PCDHGA5: variants seen among roughly 807,000 people sequenced by gnomAD.
The protein encoded by PCDHGA5 is protocadherin gamma subfamily A, 5, also known as protocadherin gamma-A5.
A neutral mutation model predicts 56.7 loss-of-function variants in PCDHGA5; 36 were observed. The ratio of observed to expected loss-of-function variants is 0.64; its 90% CI spans 0.49 to 0.84. The LOEUF (loss-of-function observed/expected upper bound fraction) is 0.84, where lower values mean the gene tolerates loss of function less well. PCDHGA5 is among the 40% of genes least tolerant of loss of function. PCDHGA5 has a pLI of 0.00. For synonymous variants in PCDHGA5, 563 were observed against 520.2 expected (o/e 1.08, Z -1.12); for missense variants, 1,305 against 1,201.5 (o/e 1.09, Z -1.27).
chr5:141,411,192 G>C (rs2095472836), intron 1 of PCDHGA5: 1 of 152,098 alleles, frequency 6.6e-6, no homozygotes, highest in African/African-American at 2.4e-5. Flanking sequence ...TGGCATCTAA[G>C]AAAACAAACA....
intron 1 of PCDHGA5, chr5:141,441,249 T>TA (rs981387539): frequency 2.0e-5 from 3 of 152,206 alleles, no homozygotes. Context: ...ACAAGATCTT[T>TA]AAATCACAAG....
chr5:141,384,598 C>CA (rs756705007), intron 1 of PCDHGA5: 4 of 1,614,256 alleles, frequency 2.5e-6, no homozygotes, highest in Non-Finnish European at 2.5e-6. Flanking sequence ...GTACCCGGCC[C>CA]TCCCCACAGA....
chr5:141,408,842 G>A, intron 1 of PCDHGA5: 1 of 1,613,598 alleles, frequency 6.2e-7, no homozygotes, highest in African/African-American at 1.3e-5. Flanking sequence ...GATATTGACT[G>A]CCTTGGACGG....
At chr5:141,385,574 C>T in intron 1 of PCDHGA5, 1 of 1,293,946 alleles carries the variant, frequency 7.7e-7, no homozygotes, top group Non-Finnish European at 9.8e-7. Flanking sequence ...ACCTACTTTC[C>T]AATCTATGTT....
intron 1 of PCDHGA5, chr5:141,441,824 G>A (rs1561905347): frequency 5.6e-6 from 2 of 356,750 alleles, no homozygotes; most frequent in South Asian, 4.7e-5. Flanking sequence ...GCTCTGGAGC[G>A]CAATGGCTTC....
At position 141,364,450 on chromosome 5, in the gene PCDHGA5, C is replaced by T; in HGVS notation, c.120C>T (p.Asp40=). The change falls in exon 1 of 4, where the codon GAC becomes GAT. Residue 40 remains aspartate (D), a synonymous_variant. Transcript: ENST00000518069. The part of the protein sequence containing the change: ...QIRYSMPEEL[D]KGSFVGNIAK... ...GCTACTCGATGCCGGAGGAGCTGGA[C>T]AAAGGCTCCTTCGTCGGCAACATAG... The T allele has an allele frequency of 1.9e-6, 3 of 1,613,980 alleles. No individual in the cohort carries two copies. Among genetic ancestry groups the T allele is most frequent in the Non-Finnish European group, 2.5e-6 (3 of 1,179,862 alleles).
intron 1 of PCDHGA5, chr5:141,423,080 T>C: frequency 6.2e-7 from 1 of 1,614,050 alleles, no homozygotes; most frequent in East Asian, 2.2e-5. Flanking sequence ...CCGGGACTCT[T>C]CGCGGTGGGG....
At chr5:141,400,769 T>C (rs2094071773) in intron 1 of PCDHGA5, 2 of 575,796 alleles carry the variant, frequency 3.5e-6, no homozygotes, top group Admixed American at 3.4e-5. Flanking sequence ...GCAAAAACAT[T>C]TGGTGCGTTT....
intron 1 of PCDHGA5, chr5:141,370,293 C>A: frequency 9.3e-7 from 1 of 1,074,278 alleles, no homozygotes; most frequent in Non-Finnish European, 1.3e-6. Flanking sequence ...AGAACCCAAG[C>A]ACAAAGACAA....
chr5:141,408,043 A>G, intron 1 of PCDHGA5: 1 of 1,220,238 alleles, frequency 8.2e-7, no homozygotes, highest in Non-Finnish European at 1.1e-6. Context: ...ACCAGCTCCC[A>G]CACAGAGCCT....
intron 1 of PCDHGA5, chr5:141,479,269 A>G (rs1279389471): frequency 6.6e-6 from 1 of 152,374 alleles, no homozygotes; most frequent in African/African-American, 2.4e-5. Flanking sequence ...TAAAAGTAAT[A>G]ATTTATTTCA....
chr5:141,474,687 A>G (rs369586568), intron 1 of PCDHGA5, among the ~76,000 whole-genome samples: 35 of 152,302 alleles, frequency 2.3e-4, no homozygotes, highest in African/African-American at 7.7e-4. Flanking sequence ...CTACCCCTTC[A>G]CTTATGTTCA....
At chr5:141,398,580 A>G in intron 1 of PCDHGA5, 1 of 1,614,044 alleles carries the variant, frequency 6.2e-7, no homozygotes, top group Non-Finnish European at 8.5e-7. Context: ...CTGGCACAAG[A>G]TTTATACTAG....
chr5:141,436,287 T>A (rs565612572), intron 1 of PCDHGA5, among the ~76,000 whole-genome samples: 1 of 152,262 alleles, frequency 6.6e-6, no homozygotes, highest in Admixed American at 6.5e-5. Context: ...TAGGAACAAA[T>A]CATTGAGAGT....
At chr5:141,430,743 T>C in intron 1 of PCDHGA5, 1 of 1,498,372 alleles carries the variant, frequency 6.7e-7, no homozygotes, top group Non-Finnish European at 8.9e-7. Flanking sequence ...TGAAAATAAT[T>C]CTGGAGGAAG....
chr5:141,438,627 TATATATATACACACAC>T (rs1396288881), intron 1 of PCDHGA5, among the ~76,000 whole-genome samples: 69 of 48,002 alleles, frequency 1.4e-3, no homozygotes, highest in Admixed American at 2.8e-3. Flanking sequence ...TATATATATA[TATATATATACACACAC>T]ACACACACAT....
intron 1 of PCDHGA5, among the ~76,000 whole-genome samples, chr5:141,437,777 C>T (rs998490046): frequency 2.0e-5 from 3 of 148,970 alleles, no homozygotes; most frequent in Admixed American, 6.7e-5. Context: ...CTCAATCTGT[C>T]GCCAAGCTGG....
intron 1 of PCDHGA5, among the ~76,000 whole-genome samples, chr5:141,380,213 T>C (rs1284651338): frequency 1.3e-5 from 2 of 152,186 alleles, no homozygotes; most frequent in Admixed American, 6.5e-5. Context: ...AAGGCATTCA[T>C]TTCTGATCAG....
In PCDHGA5 at chr5:141,490,274, A is replaced by G. The variant is rs1285515971; in HGVS notation, c.2422-4533A>G. The G allele has an allele frequency of 6.2e-7, 1 of 1,614,228 alleles. No individual in the cohort carries two copies. Among genetic ancestry groups the G allele is most frequent in the Non-Finnish European group, 8.5e-7 (1 of 1,180,038 alleles). On this transcript the variant is annotated intron_variant, in intron 1 of 3. Transcript: ENST00000518069. This position sits in a 1 kb window ranked among gnomAD's most constrained non-coding sequence, Gnocchi z 5.4. ...CAAGTGGATGTGGGGGATGTCAATGACAATGCCCCAGAGGTGCTATTGGCC... is the reference window on the plus strand; with the variant it reads ...CAAGTGGATGTGGGGGATGTCAATGGCAATGCCCCAGAGGTGCTATTGGCC...
Sources: allele counts gnomAD v4.1 joint callset (sites outside exome capture counted in the v4.1 genomes callset), GRCh38; gene constraint gnomAD v4.1.1; non-coding constraint Gnocchi (gnomAD v3.1); transcripts MANE v1.5; gene names NCBI Gene and HGNC (gene_info 2026-07-23, HGNC 2026-07-21).